Variants in TSPAN1 observed in about 807,000 individuals in gnomAD.
The protein encoded by TSPAN1 is tetraspanin-1.
TSPAN1 carries 23 observed loss-of-function variants against 26.9 expected under a neutral mutation model. That is an observed-to-expected ratio of 0.85 (90% CI 0.62 to 1.21). The LOEUF (loss-of-function observed/expected upper bound fraction) is 1.21. Ranked by LOEUF, TSPAN1 falls within the 50% of genes most tolerant of loss-of-function variation. The pLI is 0.00. For missense variants in TSPAN1, 283 were observed against 298.4 expected, an observed-to-expected ratio of 0.95 and a Z score of 0.38; for synonymous variants, 115 against 114.8, an observed-to-expected ratio of 1.00 and a Z score of -0.01.
the TSPAN1 span, chr1:46,196,017 C>T: frequency 5.0e-6 from 8 of 1,614,046 alleles, no homozygotes; most frequent in South Asian, 7.7e-5. This position sits in a 1 kb window ranked among gnomAD's most constrained non-coding sequence, Gnocchi z 4.4. Context: ...CTCACCGTGG[C>T]CTGGTTGAGG....
the TSPAN1 span, chr1:46,191,255 C>T: frequency 4.1e-6 from 1 of 242,184 alleles, no homozygotes; most frequent in Non-Finnish European, 8.2e-6. Context: ...TCTGAGGGAC[C>T]TCTGGCTTCT....
chr1:46,181,905 A>T (rs1231290501), intron 3 of TSPAN1, among the ~76,000 whole-genome samples: 2 of 152,188 alleles, frequency 1.3e-5, no homozygotes, highest in African/African-American at 4.8e-5. Flanking sequence ...TATCGTTCAG[A>T]AAACCAGAAA....
intron 1 of TSPAN1, among the ~76,000 whole-genome samples, chr1:46,178,709 A>G (rs1281935293): frequency 6.6e-6 from 1 of 152,072 alleles, no homozygotes; most frequent in African/African-American, 2.4e-5. Context: ...TAGAGATTCC[A>G]TCAGTGTAGA....
At chr1:46,194,472 A>G in the TSPAN1 span, 1 of 1,614,106 alleles carries the variant, frequency 6.2e-7, no homozygotes, top group South Asian at 1.1e-5. Context: ...GCACACAATC[A>G]AAGGAATAAA....
downstream of TSPAN1, among the ~76,000 whole-genome samples, chr1:46,187,068 A>T (rs1181977446): frequency 6.6e-6 from 1 of 152,112 alleles, no homozygotes; most frequent in East Asian, 1.9e-4. Context: ...TCAGCCTCCC[A>T]AAGAGCTGGG....
chr1:46,187,516 G>C (rs1171343487), downstream of TSPAN1, among the ~76,000 whole-genome samples: 1 of 152,176 alleles, frequency 6.6e-6, no homozygotes, highest in East Asian at 1.9e-4. Context: ...GAAAGGAAGA[G>C]GGACCTGGCC....
chr1:46,186,664 GTTTT>G (rs759573351), downstream of TSPAN1, among the ~76,000 whole-genome samples: 1 of 71,828 alleles, frequency 1.4e-5, no homozygotes. Flanking sequence ...TAATTTTTGT[GTTTT>G]TTTTTTTTTT....
rs985010496 is a variant in TSPAN1 at position 46,176,581 on chromosome 1, G to A, written c.-142+1172G>A. The A allele has an allele frequency of 9.0e-6, 12 of 1,333,868 alleles. No individual in the cohort carries two copies. In the East Asian group the frequency reaches 1.0e-4, roughly 11 times the overall value. 82.6% of individuals were successfully genotyped at this position (1,333,868 alleles called of 1,614,324 possible). On this transcript the variant is annotated intron_variant, in intron 1 of 8. Coordinates refer to ENST00000372003, the MANE Select transcript of TSPAN1 (RefSeq NM_005727.4). ...AGGGCAGGGCCCTTTATTACAAGTCGTGGGCCCTGGCCCCTCCTCATGGGT... is the reference window on the plus strand; with the variant it reads ...AGGGCAGGGCCCTTTATTACAAGTCATGGGCCCTGGCCCCTCCTCATGGGT...
chr1:46,183,904 T>C (rs1657366847), intron 3 of TSPAN1: 1 of 500,064 alleles, frequency 2.0e-6, no homozygotes, highest in Admixed American at 3.2e-5. Flanking sequence ...GGCAGGACCC[T>C]GGCAGCAGTG....
chr1:46,189,579 G>T (rs1227978235), downstream of TSPAN1: 2 of 1,605,904 alleles, frequency 1.2e-6, no homozygotes, highest in African/African-American at 2.7e-5. Flanking sequence ...TAGTGAGGGT[G>T]GGATGGAGAC....
At chr1:46,189,242 C>T (rs1657547284), downstream of TSPAN1, 1 of 1,605,922 alleles carries the variant, frequency 6.2e-7, no homozygotes, top group Non-Finnish European at 8.5e-7. Context: ...TACACAGTAC[C>T]CAGCCCCGCA....
At chr1:46,188,537 G>A (rs1657496042), downstream of TSPAN1, 1 of 1,097,610 alleles carries the variant, frequency 9.1e-7, no homozygotes. Flanking sequence ...TTGAGACTCA[G>A]GCATCCCCTG....
intron 3 of TSPAN1, among the ~76,000 whole-genome samples, chr1:46,181,670 G>A (rs150890891): frequency 4.6e-5 from 7 of 152,318 alleles, no homozygotes; most frequent in African/African-American, 9.6e-5. Context: ...TGCTGGGGTG[G>A]CAGGTAAGCA....
At chr1:46,188,651 C>A (rs374240347), downstream of TSPAN1, 27 of 1,555,540 alleles carry the variant, frequency 1.7e-5, no homozygotes, top group Non-Finnish European at 2.3e-5. Flanking sequence ...CCAGCACCCC[C>A]CTGACACACA....
chr1:46,177,206 G>A (rs912940168), intron 1 of TSPAN1, among the ~76,000 whole-genome samples: 2 of 152,036 alleles, frequency 1.3e-5, no homozygotes, highest in Non-Finnish European at 2.9e-5. Flanking sequence ...GTGGTGGTGG[G>A]TGCCTGTAGT....
In TSPAN1 at chr1:46,177,347, AAATATATCT is replaced by A. The variant is rs199929513; in HGVS notation, c.-142+1940_-142+1948del. ...TGAAACTCTGTCTCAAAAAAAAAAA[AAATATATCT>A]ATCTATCTATCTATCTATCTATCTA... On this transcript the variant is annotated intron_variant, in intron 1 of 8. Coordinates refer to ENST00000372003, the MANE Select transcript of TSPAN1 (RefSeq NM_005727.4). Among the ~76,000 whole-genome samples, 18 of 94,526 alleles carry A rather than the reference AAATATATCT, an allele frequency of 1.9e-4. No homozygotes were observed. The South Asian group carries it at 9.1e-3, about 48-fold the overall frequency. 62.0% of individuals were successfully genotyped at this position (94,526 alleles called of 152,430 possible).
Position 46,185,263 on chromosome 1 carries a change from T to A in TSPAN1, c.633T>A (p.Asn211Lys). 6.2e-7 allele frequency: 1 copy of A among 1,614,132 alleles called. No homozygotes were observed. Among genetic ancestry groups the A allele is most frequent in the Non-Finnish European group, 8.5e-7 (1 of 1,180,004 alleles). The change falls in exon 8 of 9, where the codon AAT (asparagine) becomes AAA (lysine). Residue 211 changes from asparagine (N) to lysine (K), a missense_variant. Physicochemically the swap from Asn to Lys is moderately conservative, Grantham distance 94. Transcript: ENST00000372003. Reference protein sequence around the residue: ...FNQLLYDIRTNAVTVGGVAAG... With the variant: ...FNQLLYDIRTKAVTVGGVAAG... ...AGCTTTTGTATGACATCCGAACTAATGCAGTCACCGTGGGTGGTGTGGCAG... is the reference window on the plus strand; with the variant it reads ...AGCTTTTGTATGACATCCGAACTAAAGCAGTCACCGTGGGTGGTGTGGCAG...
the TSPAN1 span, chr1:46,193,655 A>G: frequency 1.9e-6 from 3 of 1,614,034 alleles, no homozygotes; most frequent in Admixed American, 5.0e-5. Context: ...GAGCCCAGGG[A>G]TAGGTTAGGG....
chr1:46,193,139 C>A, the TSPAN1 span: 108 of 1,613,754 alleles, frequency 6.7e-5, no homozygotes, highest in South Asian at 2.5e-4. Flanking sequence ...TGTTTCCCCC[C>A]TCCCAGGCCC....
Sources: gnomAD v4.1 joint callset for allele counts (sites outside exome capture counted in the v4.1 genomes callset) on GRCh38, gnomAD v4.1.1 for gene constraint, Gnocchi (gnomAD v3.1) non-coding constraint, MANE v1.5 for transcripts, NCBI Gene and HGNC (gene_info 2026-07-23, HGNC 2026-07-21) for gene names.